The following EFCAB6 variants were observed in gnomAD, a reference collection of about 807,000 sequenced individuals.
The protein encoded by EFCAB6 is EF-hand calcium-binding domain-containing protein 6.
In EFCAB6, 156 loss-of-function variants were observed where a neutral mutation model predicts 169.8. The observed-to-expected ratio is 0.92, with a 90% CI of 0.81 to 1.05. The LOEUF is 1.05. Ranked by LOEUF, EFCAB6 falls within the 50% of genes least tolerant of loss-of-function variation. The pLI is 0.00. For synonymous variants in EFCAB6, 698 were observed against 676.4 expected (o/e 1.03, Z -0.50); for missense variants, 1,800 against 1,829.1 (o/e 0.98, Z 0.29).
At chr22:43,569,556 C>G (rs748411125) in intron 26 of EFCAB6, among the ~76,000 whole-genome samples, 1 of 152,226 alleles carries the variant, frequency 6.6e-6, no homozygotes. Flanking sequence ...CTGGTTCCCA[C>G]TGAACCACCA....
intron 2 of EFCAB6, among the ~76,000 whole-genome samples, chr22:43,808,007 T>C (rs377035467): frequency 2.6e-5 from 4 of 152,314 alleles, no homozygotes; most frequent in East Asian, 3.9e-4. Context: ...TGACTCAGTT[T>C]CCTCATTTGA....
intron 10 of EFCAB6, among the ~76,000 whole-genome samples, chr22:43,697,808 A>G (rs1259776489): frequency 1.3e-5 from 2 of 152,128 alleles, no homozygotes; most frequent in Non-Finnish European, 2.9e-5. Flanking sequence ...ACATCGTAGC[A>G]TGTGACTTCA....
At chr22:43,610,308 C>T (rs2053215586) in intron 21 of EFCAB6, among the ~76,000 whole-genome samples, 1 of 152,170 alleles carries the variant, frequency 6.6e-6, no homozygotes, top group Non-Finnish European at 1.5e-5. Flanking sequence ...ATACTATGAC[C>T]ATCGTCACAG....
chr22:43,690,511 G>A (rs1419586400), intron 10 of EFCAB6, among the ~76,000 whole-genome samples: 3 of 127,586 alleles, frequency 2.4e-5, no homozygotes, highest in South Asian at 2.7e-4. Flanking sequence ...GCAAGACTCC[G>A]TCTCAGAAAA....
In EFCAB6 at chr22:43,745,284, C is replaced by T. The variant is rs142122156; in HGVS notation, c.508-9291G>A. On this transcript the variant is annotated intron_variant, in intron 6 of 31. Coordinates refer to ENST00000262726, the MANE Select transcript of EFCAB6 (RefSeq NM_022785.4). ...AAGGCTGAATGTTTCCCCTCTGAAG[C>T]CCAGAATTCCCACTCCGCCTGGAAA... Among the ~76,000 whole-genome samples the T allele has an allele frequency of 1.2e-3, 187 of 152,314 alleles. 1 individual carries two copies. The Middle Eastern group carries it at 0.058, about 47-fold the overall frequency.
At chr22:43,610,949 G>A (rs1425029290) in intron 21 of EFCAB6, among the ~76,000 whole-genome samples, 1 of 152,174 alleles carries the variant, frequency 6.6e-6, no homozygotes, top group Non-Finnish European at 1.5e-5. Flanking sequence ...AGACAGACAG[G>A]TGAATACAGA....
chr22:43,811,976 C>A (rs2063146845), intron 1 of EFCAB6, among the ~76,000 whole-genome samples, 192 bp downstream of exon 1: 1 of 152,188 alleles, frequency 6.6e-6, no homozygotes, highest in Non-Finnish European at 1.5e-5. Flanking sequence ...CACAGGGCCC[C>A]AGGGCCTACA....
At chr22:43,706,211 C>A (rs2058954230) in intron 10 of EFCAB6, among the ~76,000 whole-genome samples, 2 of 152,188 alleles carry the variant, frequency 1.3e-5, no homozygotes, top group African/African-American at 4.8e-5. Flanking sequence ...TTCTGCCAGG[C>A]CCCAGAACAT....
intron 4 of EFCAB6, among the ~76,000 whole-genome samples, chr22:43,771,326 AG>A (rs2061462699): frequency 6.6e-6 from 1 of 152,174 alleles, no homozygotes; most frequent in African/African-American, 2.4e-5. Flanking sequence ...ACTATTCGGG[AG>A]GCTGAGGCAC....
intron 7 of EFCAB6, 55 bp from the exon 8 acceptor site, chr22:43,731,866 G>C (rs1603294259): frequency 4.5e-6 from 5 of 1,114,852 alleles, no homozygotes; most frequent in Non-Finnish European, 6.3e-6. Context: ...AATGAAGCAA[G>C]TTTGTTACTA....
At chr22:43,689,349 G>GCACACACACA (rs3221390) in intron 10 of EFCAB6, among the ~76,000 whole-genome samples, 6,085 of 146,962 alleles carry the variant, frequency 0.041, 221 homozygotes, top group East Asian at 0.17. Flanking sequence ...GAGAGCACGT[G>GCACACACACA]CACACACACA....
intron 2 of EFCAB6, chr22:43,802,538 A>T (rs1278254614): frequency 1.1e-5 from 4 of 349,328 alleles, no homozygotes; most frequent in Non-Finnish European, 2.2e-5. Flanking sequence ...CTCAAAAAAA[A>T]AAAAAGATAA....
Position 43,590,087 on chromosome 22 carries a change from G to A in EFCAB6, c.3019C>T (p.His1007Tyr). ...GTCCAAAAAGACCTGTTTAGCAGAT[G>A]GGTCAGCTCCCCTTCGGTAAGAGAA... ...GCSLTEGELT[H>Y]LLNSWGVSRH... is the part of the protein sequence containing the mutation. Residue 1007 changes from histidine (H) to tyrosine (Y), a missense_variant, in exon 24 of 32, where the codon CAT (histidine) becomes TAT (tyrosine). Physicochemically the swap from His to Tyr is moderately conservative, Grantham distance 83 (BLOSUM62 2). Transcript: ENST00000262726. The A allele has an allele frequency of 6.2e-7, 1 of 1,613,504 alleles. No homozygotes were observed. The highest frequency in any genetic ancestry group is 1.3e-5 in the African/African-American group (1 of 75,026).
Position 43,757,233 on chromosome 22 carries a change from G to A in EFCAB6, c.441-1401C>T, listed in dbSNP as rs576791663. ...ATAATATATTCAATAGATACAAAAC[G>A]CTATTTGTAAAATGTTTAGGAATTA... is the stretch of plus-strand genomic sequence containing the variant. On this transcript the variant is annotated intron_variant, in intron 5 of 31. Transcript: ENST00000262726. 8.3e-4 allele frequency among the ~76,000 whole-genome samples: 127 copies of A among 152,258 alleles called. 1 individual carries two copies. Among genetic ancestry groups the A allele is most frequent in the African/African-American group, 2.5e-3 (102 of 41,552 alleles).
At chr22:43,554,525 C>T (rs1028442502) in intron 27 of EFCAB6, 6 of 259,636 alleles carry the variant, frequency 2.3e-5, no homozygotes, top group African/African-American at 6.7e-5. Context: ...TTACTGCCTG[C>T]GCAACACTGG....
intron 2 of EFCAB6, chr22:43,802,771 C>CA (rs2062771129): frequency 2.0e-6 from 1 of 509,634 alleles, no homozygotes; most frequent in Admixed American, 2.0e-5. Flanking sequence ...TTGGAGATGC[C>CA]AAGTGAAGTG....
chr22:43,618,161 G>GGAAGGAAGGAAAGAAA (rs2053837744), intron 20 of EFCAB6, among the ~76,000 whole-genome samples: 1 of 62,302 alleles, frequency 1.6e-5, no homozygotes, highest in African/African-American at 6.2e-5. Flanking sequence ...AAGGAAGGAA[G>GGAAGGAAGGAAAGAAA]GAAGGAAAGA....
At chr22:43,784,569 GTGTACATATACACATATATA>G (rs756851054) in intron 2 of EFCAB6, among the ~76,000 whole-genome samples, 9,906 of 36,460 alleles carry the variant, frequency 0.27, 1,341 homozygotes, top group Non-Finnish European at 0.31. Context: ...ACATATATAT[GTGTACATATACACATATATA>G]TGTATATATA....
chr22:43,728,348 T>C (rs773371207), intron 8 of EFCAB6, among the ~76,000 whole-genome samples: 2 of 152,234 alleles, frequency 1.3e-5, no homozygotes, highest in Non-Finnish European at 2.9e-5. Flanking sequence ...TCTTTGCTCT[T>C]ACAAATAGTG....
Sources: allele counts gnomAD v4.1 joint callset (sites outside exome capture counted in the v4.1 genomes callset), GRCh38; gene constraint gnomAD v4.1.1; transcripts MANE v1.5; gene names NCBI Gene and HGNC (gene_info 2026-07-23, HGNC 2026-07-21).